The following OSMR variants were observed in gnomAD, a reference collection of about 807,000 sequenced individuals.
OSMR encodes oncostatin M receptor.
In OSMR, 81 loss-of-function variants were observed where a neutral mutation model predicts 99.9. That is an observed-to-expected ratio of 0.81 (90% CI 0.68 to 0.97). OSMR has a LOEUF of 0.97. Ranked by LOEUF, OSMR falls within the 50% of genes least tolerant of loss-of-function variation. The pLI is 0.00. For missense variants in OSMR, 1,099 were observed against 1,153.4 expected, an observed-to-expected ratio of 0.95 and a Z score of 0.68; for synonymous variants, 406 against 410.4, an observed-to-expected ratio of 0.99 and a Z score of 0.13.
chr5:38,922,369 A>G (rs1251159467), intron 12 of OSMR, among the ~76,000 whole-genome samples: 1 of 152,158 alleles, frequency 6.6e-6, no homozygotes, highest in Non-Finnish European at 1.5e-5. Flanking sequence ...GGTTCTGCCA[A>G]TTTCAGTGGT....
At chr5:38,941,745 T>A (rs1269093073) in intron 1 of OSMR, 1 of 232,342 alleles carries the variant, frequency 4.3e-6, no homozygotes, top group Non-Finnish European at 8.5e-6. Context: ...TTTGAGGTTA[T>A]AAACCTCTGA....
At chr5:38,859,655 A>G (rs908632748) in intron 1 of OSMR, among the ~76,000 whole-genome samples, 2 of 152,192 alleles carry the variant, frequency 1.3e-5, no homozygotes, top group African/African-American at 2.4e-5. Flanking sequence ...ATGTTTTGAT[A>G]GGGATTGCAT....
chr5:38,885,177 G>T, intron 5 of OSMR, 172 bp from the exon 6 acceptor site: 6 of 985,208 alleles, frequency 6.1e-6, no homozygotes, highest in Non-Finnish European at 7.2e-6. Flanking sequence ...GCCAAGATGA[G>T]GTGACCCCTG....
chr5:38,894,841 C>T (rs1344779047), intron 7 of OSMR, among the ~76,000 whole-genome samples: 4 of 152,068 alleles, frequency 2.6e-5, no homozygotes. Context: ...TTACATTCAA[C>T]ACTGGACAAA....
chr5:38,870,498 AT>A (rs1220093287), intron 2 of OSMR, among the ~76,000 whole-genome samples: 3 of 151,978 alleles, frequency 2.0e-5, no homozygotes, highest in Non-Finnish European at 2.9e-5. Flanking sequence ...CGCCCAGCTA[AT>A]TTTTTTGTAT....
rs762834916 is a variant in OSMR, at chr5:38,869,055, T to C, written c.11T>C (p.Phe4Ser). Residue 4 changes from phenylalanine to serine, a missense_variant, in exon 2 of 18, where the codon TTT (phenylalanine) becomes TCT (serine). Transcript: ENST00000274276. MAL[F>S]AVFQTTFFLT... ...AGAAAACCAGAACTGATGGCTCTAT[T>C]TGCAGTCTTTCAGACAACATTCTTC... The C allele has an allele frequency of 2.5e-6, 4 of 1,613,800 alleles. No individual in the cohort carries two copies. In the African/African-American group the frequency reaches 4.0e-5, roughly 16 times the overall value.
intron 3 of OSMR, among the ~76,000 whole-genome samples, chr5:38,877,994 C>T (rs1022973926): frequency 2.6e-5 from 4 of 152,080 alleles, no homozygotes; most frequent in Admixed American, 6.5e-5. Flanking sequence ...CCTTGTCTAT[C>T]GTGTTGTCCT....
chr5:38,926,941 C>T (rs977475419), intron 15 of OSMR, among the ~76,000 whole-genome samples: 5 of 152,224 alleles, frequency 3.3e-5, no homozygotes, highest in African/African-American at 1.2e-4. Context: ...TGGGTACATA[C>T]ACCCATTCTA....
intron 1 of OSMR, among the ~76,000 whole-genome samples, chr5:38,848,227 G>A (rs1307485809): frequency 6.6e-6 from 1 of 152,140 alleles, no homozygotes; most frequent in Non-Finnish European, 1.5e-5. Context: ...CGCTGGGGGA[G>A]AAAATCCTTC....
chr5:38,918,615 T>C (rs1746060013), intron 10 of OSMR: 1 of 390,464 alleles, frequency 2.6e-6, no homozygotes, highest in African/African-American at 2.2e-5. Flanking sequence ...ATAATGCTCT[T>C]GAGGCTCTTA....
intron 9 of OSMR, among the ~76,000 whole-genome samples, chr5:38,906,799 G>C (rs923628320): frequency 1.5e-4 from 23 of 152,126 alleles, no homozygotes; most frequent in African/African-American, 5.5e-4. Flanking sequence ...TTAATGTTAT[G>C]TTCCAAAACA....
chr5:38,850,657 A>G (rs1740285463), intron 1 of OSMR, among the ~76,000 whole-genome samples: 1 of 152,250 alleles, frequency 6.6e-6, no homozygotes, highest in African/African-American at 2.4e-5. Flanking sequence ...GAACACTTGG[A>G]AAAATGTAAG....
intron 1 of OSMR, among the ~76,000 whole-genome samples, chr5:38,848,093 CAAG>C (rs1561323086): frequency 1.3e-5 from 2 of 152,156 alleles, no homozygotes; most frequent in African/African-American, 2.4e-5. Flanking sequence ...CTGTATTTAA[CAAG>C]AAGAAGGTGT....
chr5:38,862,165 G>A (rs1400952324), intron 1 of OSMR, among the ~76,000 whole-genome samples: 1 of 133,746 alleles, frequency 7.5e-6, no homozygotes, highest in Admixed American at 7.1e-5. Context: ...CCGGGCAGAG[G>A]GGCTCCTCAC....
intron 7 of OSMR, among the ~76,000 whole-genome samples, chr5:38,893,095 C>T (rs1744263862): frequency 6.6e-6 from 1 of 152,210 alleles, no homozygotes; most frequent in Admixed American, 6.5e-5. Context: ...TAAACACAGA[C>T]AGGATACTTA....
Position 38,883,858 on chromosome 5 carries a change from C to T in OSMR, c.450C>T (p.Phe150=), listed in dbSNP as rs371026695. 1.6e-5 allele frequency: 26 copies of T among 1,613,070 alleles called. No homozygotes were observed. The highest frequency in any genetic ancestry group is 9.4e-5 in the African/African-American group (7 of 74,854). The change falls in exon 5 of 18, where the codon TTC becomes TTT. Residue 150 remains phenylalanine, a synonymous_variant. Transcript: ENST00000274276. The part of the protein sequence containing the change: ...VQDSTGQDIL[F]VFPKDKLVEE... ...ATTCTACTGGACAGGATATATTGTT[C>T]GTTTTCCCTAAAGATAAGCTGGTGG...
At chr5:38,936,430 C>T (rs888263500), downstream of OSMR, among the ~76,000 whole-genome samples, 1 of 152,188 alleles carries the variant, frequency 6.6e-6, no homozygotes, top group Non-Finnish European at 1.5e-5. Flanking sequence ...ATGGCCTTTA[C>T]ATCCTGCGTC....
intron 1 of OSMR, chr5:38,944,189 C>A (rs772985698): frequency 1.8e-6 from 1 of 548,194 alleles, no homozygotes; most frequent in South Asian, 1.6e-5. Flanking sequence ...CATTATTTTA[C>A]ATTTTTTGCA....
chr5:38,882,496 AC>A (rs1743367652), intron 4 of OSMR, among the ~76,000 whole-genome samples: 2 of 151,942 alleles, frequency 1.3e-5, no homozygotes, highest in Admixed American at 1.3e-4. Context: ...AATCGCTTGA[AC>A]CCAGGAGGCA....
Sources: gnomAD v4.1 joint callset for allele counts (sites outside exome capture counted in the v4.1 genomes callset) on GRCh38, gnomAD v4.1.1 for gene constraint, MANE v1.5 for transcripts, NCBI Gene and HGNC (gene_info 2026-07-23, HGNC 2026-07-21) for gene names.